NUP210L: variants seen among roughly 807,000 people sequenced by gnomAD.
NUP210L encodes the protein nucleoporin 210 like.
NUP210L carries 74 observed loss-of-function variants against 208.5 expected under a neutral mutation model. The observed-to-expected ratio is 0.35, with a 90% confidence interval of 0.29 to 0.43. NUP210L has a LOEUF of 0.43. Ranked by LOEUF, NUP210L falls within the 20% of genes least tolerant of loss-of-function variation. The pLI, the probability that NUP210L is intolerant of heterozygous loss-of-function variation, is 1.00. For missense variants in NUP210L, 1,843 were observed against 2,289.4 expected (o/e 0.81, Z 3.98); for synonymous variants, 780 against 816.9 (o/e 0.95, Z 0.77).
chr1:154,037,413 G>A (rs2147955294), intron 27 of NUP210L, among the ~76,000 whole-genome samples: 1 of 152,192 alleles, frequency 6.6e-6, no homozygotes, highest in Non-Finnish European at 1.5e-5. Flanking sequence ...TTGCTGAATT[G>A]ACCCCTTTAT....
At chr1:154,154,739 G>T in intron 1 of NUP210L, 103 bp downstream of exon 1, 1 of 925,880 alleles carries the variant, frequency 1.1e-6, no homozygotes, top group Non-Finnish European at 1.7e-6. Context: ...GCCCCTTCAC[G>T]CGGCCCCACA....
chr1:154,020,413 C>T (rs1054572197), intron 32 of NUP210L, among the ~76,000 whole-genome samples: 5 of 151,848 alleles, frequency 3.3e-5, no homozygotes, highest in Admixed American at 6.6e-5. Context: ...TGCAGTAGTG[C>T]GATCATAGCT....
intron 38 of NUP210L, 23 bp downstream of exon 38, chr1:153,995,053 G>T: frequency 2.5e-5 from 33 of 1,309,616 alleles, no homozygotes; most frequent in Middle Eastern, 1.9e-4. Context: ...CAAAGTCTAT[G>T]TTATTGAATA....
At chr1:154,150,667 G>A (rs1166921108) in intron 2 of NUP210L, among the ~76,000 whole-genome samples, 1 of 120,452 alleles carries the variant, frequency 8.3e-6, no homozygotes, top group African/African-American at 2.9e-5. Flanking sequence ...GGTGGAGGTT[G>A]CAGCGAGCCA....
chr1:154,089,403 A>T lies in NUP210L; in HGVS notation c.2361+18T>A. ...ATATAAAAGTGCCAACTTAGTTGGA[A>T]ACATACTCTGTACTTACCAGCCATT... On this transcript the variant is annotated intron_variant, in intron 16 of 39. Coordinates refer to ENST00000368559, the Ensembl canonical transcript of NUP210L. 2 of 1,606,750 alleles carry T rather than the reference A, an allele frequency of 1.2e-6. No homozygotes were observed. Among genetic ancestry groups the T allele is most frequent in the Non-Finnish European group, 1.7e-6 (2 of 1,174,500 alleles).
intron 33 of NUP210L, among the ~76,000 whole-genome samples, chr1:154,017,519 C>CTTT (rs553512184): frequency 1.9e-4 from 24 of 127,964 alleles, no homozygotes; most frequent in East Asian, 4.6e-4. Flanking sequence ...TTCTTTCTTT[C>CTTT]TTTTTTTTTT....
chr1:154,140,721 C>T (rs1465839490), intron 4 of NUP210L, among the ~76,000 whole-genome samples: 4 of 149,258 alleles, frequency 2.7e-5, no homozygotes, highest in Non-Finnish European at 4.5e-5. Flanking sequence ...CGGTGGCTCA[C>T]GCCGTAATCC....
chr1:154,139,700 A>C (rs917527276), intron 5 of NUP210L, 102 bp downstream of exon 5: 42 of 883,256 alleles, frequency 4.8e-5, no homozygotes, highest in Non-Finnish European at 7.0e-6. Flanking sequence ...AAAAAAAAAA[A>C]AAACAGGGCG....
exon 39 of NUP210L, chr1:153,993,039 G>A (rs1649564584): frequency 2.5e-6 from 4 of 1,613,588 alleles, no homozygotes; most frequent in East Asian, 4.5e-5. Context: ...CCTAGAGTTG[G>A]TACATACACA....
intron 37 of NUP210L, among the ~76,000 whole-genome samples, chr1:153,996,963 G>A (rs531690630): frequency 2.7e-5 from 4 of 148,118 alleles, no homozygotes; most frequent in African/African-American, 5.0e-5. Flanking sequence ...CATCATGTCC[G>A]ACTTTTTTTT....
intron 27 of NUP210L, among the ~76,000 whole-genome samples, chr1:154,032,734 A>G (rs1262747012): frequency 1.3e-5 from 2 of 151,908 alleles, no homozygotes; most frequent in Non-Finnish European, 2.9e-5. Context: ...CCTGGCCAAC[A>G]TGGCAAAATC....
Position 154,012,378 on chromosome 1 carries a change from C to CAAATCAAAGGA in NUP210L, c.4654-19_4654-9dup. On this transcript the variant is annotated splice_polypyrimidine_tract_variant and intron_variant, in intron 33 of 39. Transcript: ENST00000368559. ...TGATGCATTGACCACCACCTGTCAG[C>CAAATCAAAGGA]AAATCAAAGGAAAATCTGCACCTAA... The CAAATCAAAGGA allele has an allele frequency of 6.2e-7, 1 of 1,608,840 alleles. No individual in the cohort carries two copies. The highest frequency in any genetic ancestry group is 8.5e-7 in the Non-Finnish European group (1 of 1,178,456).
intron 34 of NUP210L, among the ~76,000 whole-genome samples, chr1:154,011,679 GTTTTTTT>G (rs34653809): frequency 3.8e-5 from 3 of 78,422 alleles, no homozygotes; most frequent in African/African-American, 1.5e-4. Flanking sequence ...ATTATCTTAA[GTTTTTTT>G]TTTTTTTTTT....
At chr1:154,044,243 T>G (rs1452773895) in intron 27 of NUP210L, among the ~76,000 whole-genome samples, 10 of 151,732 alleles carry the variant, frequency 6.6e-5, no homozygotes, top group Non-Finnish European at 1.5e-4. Flanking sequence ...CCGTCTCTAC[T>G]AAAAATACAA....
chr1:154,152,923 T>C, intron 1 of NUP210L, 51 bp from the exon 2 acceptor site: 1 of 1,539,770 alleles, frequency 6.5e-7, no homozygotes, highest in South Asian at 1.1e-5. Flanking sequence ...TAAAATTAAC[T>C]TTTAGTGGAA....
chr1:154,080,047 C>T (rs1655239743), intron 16 of NUP210L: 1 of 152,130 alleles, frequency 6.6e-6, no homozygotes, highest in Admixed American at 6.6e-5. Flanking sequence ...AAATAGTACA[C>T]TAGAAAATGT....
intron 5 of NUP210L, among the ~76,000 whole-genome samples, chr1:154,139,245 G>A (rs771933616): frequency 6.6e-6 from 1 of 152,120 alleles, no homozygotes; most frequent in Non-Finnish European, 1.5e-5. Context: ...TGGAGAAAGT[G>A]TATGTAGATT....
intron 35 of NUP210L, among the ~76,000 whole-genome samples, chr1:154,002,607 G>T (rs1426271562): frequency 6.6e-6 from 1 of 151,824 alleles, no homozygotes; most frequent in African/African-American, 2.4e-5. Context: ...CTTGGGGACA[G>T]AGCAAGACTC....
At chr1:154,079,790 T>C (rs1181009260) in intron 16 of NUP210L, 2 of 152,264 alleles carry the variant, frequency 1.3e-5, no homozygotes, top group Non-Finnish European at 2.9e-5. Flanking sequence ...CAAGATCACT[T>C]GGTCTTCCCA....
Sources: gnomAD v4.1 joint callset for allele counts (sites outside exome capture counted in the v4.1 genomes callset) on GRCh38, gnomAD v4.1.1 for gene constraint, MANE v1.5 for transcripts, NCBI Gene and HGNC (gene_info 2026-07-23, HGNC 2026-07-21) for gene names.